EPB41L4B: variants seen among roughly 807,000 people sequenced by gnomAD.
EPB41L4B encodes band 4.1-like protein 4B.
In EPB41L4B, 30 loss-of-function variants were observed where a neutral mutation model predicts 112.5. The ratio of observed to expected loss-of-function variants is 0.27; its 90% CI spans 0.20 to 0.36. The LOEUF (loss-of-function observed/expected upper bound fraction) is 0.36, where lower values mean the gene tolerates loss of function less well. Among genes scored for constraint, EPB41L4B ranks in the 10% least tolerant of loss-of-function variants. The probability of loss-of-function intolerance (pLI) is 1.00; values close to 1 mark genes in which losing one functional copy is unlikely to be tolerated. For missense variants in EPB41L4B, 1,024 were observed against 1,133.3 expected (o/e 0.90, Z 1.38); for synonymous variants, 408 against 439.7 (o/e 0.93, Z 0.90).
intron 15 of EPB41L4B, 149 bp from the exon 16 acceptor site, chr9:109,217,294 T>C: frequency 3.0e-6 from 2 of 670,484 alleles, no homozygotes; most frequent in Non-Finnish European, 2.5e-6. Context: ...TATACAATGG[T>C]AATATTATAC....
intron 23 of EPB41L4B, among the ~76,000 whole-genome samples, chr9:109,185,212 T>C (rs1832210478): frequency 6.6e-6 from 1 of 152,220 alleles, no homozygotes; most frequent in Non-Finnish European, 1.5e-5. Context: ...TATTTCTCTC[T>C]GGGGAAAGCA....
chr9:109,217,112 C>T lies in EPB41L4B; in HGVS notation c.1443G>A (p.Ser481=), dbSNP rs761092557. The change falls in exon 16 of 26, where the codon TCG becomes TCA. Residue 481 remains serine, a synonymous_variant. Transcript: ENST00000374566. The part of the protein sequence containing the change: ...YPLPSPVLSS[S]DRLPFGIEEN... ...CCTCAATGCCAAAAGGCAACCGGTC[C>T]GAGCTGCTAAGCACTGGGGAAGGGA... The T allele has an allele frequency of 5.5e-5, 88 of 1,613,982 alleles. No individual in the cohort carries two copies. The highest frequency in any genetic ancestry group is 1.3e-4 in the African/African-American group (10 of 74,930).
intron 15 of EPB41L4B, chr9:109,241,908 A>G (rs1834366614): frequency 2.5e-6 from 3 of 1,216,140 alleles, no homozygotes; most frequent in Admixed American, 1.9e-5. Context: ...GGCAGGGGGA[A>G]CCATGAGCCA....
intron 1 of EPB41L4B, among the ~76,000 whole-genome samples, chr9:109,303,965 T>C (rs1214914108): frequency 2.6e-5 from 4 of 152,110 alleles, no homozygotes; most frequent in African/African-American, 9.7e-5. Context: ...AGGTATGTTA[T>C]AACCAAAAAA....
intron 17 of EPB41L4B, among the ~76,000 whole-genome samples, chr9:109,212,445 C>T (rs569337213): frequency 1.7e-3 from 256 of 152,154 alleles, no homozygotes; most frequent in Non-Finnish European, 3.1e-3. Context: ...TTCTCTCTAG[C>T]TGGCAATCAT....
intron 11 of EPB41L4B, 70 bp from the exon 12 acceptor site, chr9:109,253,620 G>T: frequency 9.8e-7 from 1 of 1,017,676 alleles, no homozygotes; most frequent in South Asian, 1.3e-5. Flanking sequence ...TTTTGAAAGT[G>T]CACTTTTATT....
At chr9:109,238,274 A>G (rs1438995732) in intron 15 of EPB41L4B, among the ~76,000 whole-genome samples, 1 of 152,184 alleles carries the variant, frequency 6.6e-6, no homozygotes, top group Non-Finnish European at 1.5e-5. Flanking sequence ...TGCCCTGTAC[A>G]GCATGATACC....
chr9:109,197,213 A>G (rs1832671757), intron 20 of EPB41L4B, among the ~76,000 whole-genome samples: 1 of 152,304 alleles, frequency 6.6e-6, no homozygotes, highest in East Asian at 1.9e-4. Flanking sequence ...ACCTGAGGTC[A>G]GGAGTTCGAG....
intron 24 of EPB41L4B, among the ~76,000 whole-genome samples, chr9:109,180,387 A>G (rs1832012463): frequency 6.6e-6 from 1 of 152,144 alleles, no homozygotes; most frequent in Non-Finnish European, 1.5e-5. Flanking sequence ...CAACCAAGGG[A>G]GGTGGAGCCG....
In EPB41L4B at chr9:109,203,662, CCTTACA is replaced by C. The variant is rs770296893; in HGVS notation, c.1941_1946del (p.Ser647_Val648del). ...CCCCATTCAGACAAGGAGCAACAGA[CCTTACA>C]CTAGCGTCCTGAAGACTGGATTTCT... On this transcript the variant is annotated inframe_deletion and splice_region_variant, in exon 19 of 26. Transcript: ENST00000374566. The C allele has an allele frequency of 6.2e-7, 1 of 1,610,900 alleles. No homozygotes were observed. The highest frequency in any genetic ancestry group is 1.1e-5 in the South Asian group (1 of 90,980).
At chr9:109,188,715 C>T (rs763055451) in intron 22 of EPB41L4B, among the ~76,000 whole-genome samples, 1 of 152,164 alleles carries the variant, frequency 6.6e-6, no homozygotes, top group African/African-American at 2.4e-5. Flanking sequence ...GTTCCAATGC[C>T]CTACACAGCC....
At chr9:109,247,817 A>G (rs1409555779) in intron 13 of EPB41L4B, 28 bp from the exon 14 acceptor site, 3 of 1,425,966 alleles carry the variant, frequency 2.1e-6, no homozygotes, top group South Asian at 3.0e-5. Flanking sequence ...CAAAAAACAG[A>G]AAAAAAAAGA....
chr9:109,234,388 G>A (rs1439720072), intron 15 of EPB41L4B, among the ~76,000 whole-genome samples: 1 of 152,172 alleles, frequency 6.6e-6, no homozygotes, highest in African/African-American at 2.4e-5. Flanking sequence ...CAGCTTAAAT[G>A]TCCATCAATA....
chr9:109,276,034 T>A (rs1457080884), intron 2 of EPB41L4B, among the ~76,000 whole-genome samples: 1 of 99,872 alleles, frequency 1.0e-5, no homozygotes, highest in Non-Finnish European at 2.5e-5. Context: ...TTTAAAGTTT[T>A]ATATATATAT....
At chr9:109,176,175 T>A (rs1160029873) in intron 25 of EPB41L4B, among the ~76,000 whole-genome samples, 1 of 151,988 alleles carries the variant, frequency 6.6e-6, no homozygotes, top group Non-Finnish European at 1.5e-5. Flanking sequence ...TTGCCCAGGC[T>A]GGAGTGCAGT....
chr9:109,183,720 G>C (rs16913897), intron 23 of EPB41L4B, among the ~76,000 whole-genome samples: 1 of 152,244 alleles, frequency 6.6e-6, no homozygotes, highest in African/African-American at 2.4e-5. Context: ...CATACCACCC[G>C]CCAGCAGAGG....
At chr9:109,244,597 C>T (rs189875818) in intron 14 of EPB41L4B, among the ~76,000 whole-genome samples, 1 of 151,938 alleles carries the variant, frequency 6.6e-6, no homozygotes, top group East Asian at 1.9e-4. Flanking sequence ...TGCCACCACA[C>T]CCCGCTAATT....
intron 2 of EPB41L4B, among the ~76,000 whole-genome samples, chr9:109,278,395 G>A (rs898731760): frequency 2.6e-5 from 4 of 152,152 alleles, no homozygotes; most frequent in African/African-American, 9.7e-5. Context: ...ACTGTAGCCA[G>A]GATGCATTCC....
intron 15 of EPB41L4B, among the ~76,000 whole-genome samples, chr9:109,232,634 T>G (rs1362306355): frequency 1.3e-5 from 2 of 152,142 alleles, no homozygotes; most frequent in Non-Finnish European, 2.9e-5. Flanking sequence ...TGAATGAAAT[T>G]AAAACATTAT....
Sources: allele counts gnomAD v4.1 joint callset (sites outside exome capture counted in the v4.1 genomes callset), GRCh38; gene constraint gnomAD v4.1.1; transcripts MANE v1.5; gene names NCBI Gene and HGNC (gene_info 2026-07-23, HGNC 2026-07-21).